MN1: variants seen among roughly 807,000 people sequenced by gnomAD.
MN1 encodes MN1 proto-oncogene, transcriptional regulator.
In MN1, 19 loss-of-function variants were observed where a neutral mutation model predicts 86.9. The observed-to-expected ratio is 0.22, with a 90% CI of 0.15 to 0.32. The LOEUF is 0.32. Ranked by LOEUF, MN1 falls within the 10% of genes least tolerant of loss-of-function variation. The pLI, the probability that MN1 is intolerant of heterozygous loss-of-function variation, is 1.00. For synonymous variants in MN1, 928 were observed against 849.6 expected, an observed-to-expected ratio of 1.09 and a Z score of -1.60; for missense variants, 1,841 against 1,862.0, an observed-to-expected ratio of 0.99 and a Z score of 0.21.
chr22:27,796,588 G>A (rs1005210140), intron 1 of MN1, among the ~76,000 whole-genome samples, 175 bp downstream of exon 1: 1 of 144,304 alleles, frequency 6.9e-6, no homozygotes, highest in African/African-American at 2.5e-5. Flanking sequence ...GTGTGGGGGG[G>A]TCTGTCCTCA....
chr22:27,771,195 G>A (rs1338298989), intron 1 of MN1, among the ~76,000 whole-genome samples: 32 of 120,320 alleles, frequency 2.7e-4, no homozygotes, highest in Non-Finnish European at 1.2e-4. Flanking sequence ...AGCTAAGAAT[G>A]TTTTGGTGGG....
chr22:27,788,760 G>C (rs1446471453), intron 1 of MN1, among the ~76,000 whole-genome samples: 1 of 152,024 alleles, frequency 6.6e-6, no homozygotes, highest in East Asian at 1.9e-4. Flanking sequence ...CTTATTAACT[G>C]TCATCTCACG....
intron 1 of MN1, among the ~76,000 whole-genome samples, chr22:27,792,550 G>C (rs889960854): frequency 6.6e-6 from 1 of 151,812 alleles, no homozygotes; most frequent in South Asian, 2.1e-4. Context: ...ATGTCAGGAG[G>C]CGGGCAAAGT....
chr22:27,781,467 A>G (rs1933053268), intron 1 of MN1, among the ~76,000 whole-genome samples: 2 of 152,064 alleles, frequency 1.3e-5, no homozygotes, highest in Admixed American at 1.3e-4. Flanking sequence ...TGGGGGGGGC[A>G]ATATTGCCCC....
At chr22:27,793,159 G>A (rs1469761589) in intron 1 of MN1, among the ~76,000 whole-genome samples, 1 of 152,178 alleles carries the variant, frequency 6.6e-6, no homozygotes, top group African/African-American at 2.4e-5. Flanking sequence ...GCTACCAGGG[G>A]AAAGGAGGTT....
At position 27,754,828 on chromosome 22, in the gene MN1, G is replaced by A. The variant is rs1301471423; in HGVS notation, c.3782-3732C>T. Among the ~76,000 whole-genome samples, 3 of 152,178 alleles carry A rather than the reference G, an allele frequency of 2.0e-5. No homozygotes were observed. The East Asian group carries it at 5.8e-4, about 29-fold the overall frequency. ...CCTTGCCAAGCTCCCAGGGTTGGCG[G>A]AGATCATGGAGTCACTCAGCGCCCA... On this transcript the variant is annotated intron_variant, in intron 1 of 1. Coordinates refer to ENST00000302326, the MANE Select transcript of MN1 (RefSeq NM_002430.3).
At chr22:27,779,822 C>T (rs1933027041) in intron 1 of MN1, among the ~76,000 whole-genome samples, 1 of 152,170 alleles carries the variant, frequency 6.6e-6, no homozygotes, top group Non-Finnish European at 1.5e-5. Flanking sequence ...GGGCCTGTGC[C>T]TTCCTGTCGG....
intron 1 of MN1, among the ~76,000 whole-genome samples, chr22:27,772,710 T>C (rs1932929765): frequency 6.6e-6 from 1 of 152,122 alleles, no homozygotes; most frequent in African/African-American, 2.4e-5. Context: ...GGGCCTCAGT[T>C]TCCTCACCTG....
intron 1 of MN1, among the ~76,000 whole-genome samples, chr22:27,754,516 T>C (rs1932789949): frequency 6.6e-6 from 1 of 152,192 alleles, no homozygotes; most frequent in South Asian, 2.1e-4. Flanking sequence ...AGCCAACCAG[T>C]CTGGTATCCA....
chr22:27,790,740 G>T (rs1933200395), intron 1 of MN1, among the ~76,000 whole-genome samples: 2 of 152,158 alleles, frequency 1.3e-5, no homozygotes. Flanking sequence ...TCCTCTCCTG[G>T]CAGGAAACTG....
At chr22:27,773,782 G>A (rs1055591744) in intron 1 of MN1, among the ~76,000 whole-genome samples, 19 of 152,070 alleles carry the variant, frequency 1.2e-4, no homozygotes, top group African/African-American at 4.6e-4. Flanking sequence ...TCAGCCTCCC[G>A]AATACTGAGG....
Position 27,750,108 on chromosome 22 carries a change from C to T in MN1, c.*807G>A, listed in dbSNP as rs1932750308. ...AGAAAAGGAGAGAAAACACTGCTGTCGAACATTCCAACTCCTTCCCACAGA... is the reference window on the plus strand; with the variant it reads ...AGAAAAGGAGAGAAAACACTGCTGTTGAACATTCCAACTCCTTCCCACAGA... On this transcript the variant is annotated 3_prime_UTR_variant, in exon 2 of 2. Coordinates refer to ENST00000302326, the MANE Select transcript of MN1 (RefSeq NM_002430.3). 2 of 231,874 alleles carry T rather than the reference C, an allele frequency of 8.6e-6. No homozygotes were observed. Among genetic ancestry groups the T allele is most frequent in the South Asian group, 1.8e-4 (1 of 5,528 alleles). 14.4% of individuals were successfully genotyped at this position (231,874 alleles called of 1,614,324 possible). A position where few individuals can be genotyped will look rare whatever the true frequency, so the allele number is the denominator to read the frequency against.
chr22:27,792,135 T>C (rs1395260969), intron 1 of MN1, among the ~76,000 whole-genome samples: 2 of 152,028 alleles, frequency 1.3e-5, no homozygotes, highest in Non-Finnish European at 2.9e-5. Context: ...TCATAGAATT[T>C]CCTTGCTAGA....
intron 1 of MN1, among the ~76,000 whole-genome samples, chr22:27,776,125 A>G (rs1205962587): frequency 6.6e-6 from 1 of 152,178 alleles, no homozygotes. Context: ...GGTGGCAGAC[A>G]AGTCCTCCGG....
At chr22:27,759,939 T>C (rs1454290139) in intron 1 of MN1, among the ~76,000 whole-genome samples, 2 of 152,178 alleles carry the variant, frequency 1.3e-5, no homozygotes, top group African/African-American at 2.4e-5. Context: ...ACATTTGAGC[T>C]GGGCAAGGTG....
chr22:27,766,391 G>T (rs375374393), intron 1 of MN1, among the ~76,000 whole-genome samples: 61 of 152,262 alleles, frequency 4.0e-4, no homozygotes, highest in African/African-American at 8.4e-4. Flanking sequence ...TAGGAAGGTG[G>T]TGTGTGGTCT....
chr22:27,763,412 A>G (rs986827438), intron 1 of MN1, among the ~76,000 whole-genome samples: 5 of 152,204 alleles, frequency 3.3e-5, no homozygotes, highest in African/African-American at 1.2e-4. Context: ...CATAGGGGTC[A>G]GTTGTGCACA....
rs1163937068 is a variant in MN1, at chr22:27,798,627, G to C, written c.1917C>G (p.Pro639=). The C allele has an allele frequency of 1.3e-6, 2 of 1,561,680 alleles. No homozygotes were observed. The highest frequency in any genetic ancestry group is 1.7e-6 in the Non-Finnish European group (2 of 1,162,538). ...CCATCCTACGGGGCAGCAGGTCTCC[G>C]GGCGGCGGATGCGGACCTGAGAACC... ...SAWFSGPHPP[P]GDLLPRRMGG... The change falls in exon 1 of 2, where the codon CCC becomes CCG. Residue 639 remains proline, a synonymous_variant. Coordinates refer to ENST00000302326, the MANE Select transcript of MN1 (RefSeq NM_002430.3).
At chr22:27,783,134 T>C (rs1482778558) in intron 1 of MN1, among the ~76,000 whole-genome samples, 8 of 116,250 alleles carry the variant, frequency 6.9e-5, no homozygotes, top group Non-Finnish European at 1.0e-4. Flanking sequence ...GTCGTGCTGC[T>C]TTTTTTTTTT....
Sources: allele counts gnomAD v4.1 joint callset (sites outside exome capture counted in the v4.1 genomes callset), GRCh38; gene constraint gnomAD v4.1.1; transcripts MANE v1.5; gene names NCBI Gene and HGNC (gene_info 2026-07-23, HGNC 2026-07-21).